TPRG1: variants seen among roughly 807,000 people sequenced by gnomAD.
The protein encoded by TPRG1 is tumor protein p63 regulated 1, also known as tumor protein p63-regulated gene 1 protein.
Under a neutral mutation model 29.3 loss-of-function variants are expected in TPRG1, and 29 were observed. The ratio of observed to expected loss-of-function variants is 0.99; its 90% CI spans 0.74 to 1.35. The LOEUF (loss-of-function observed/expected upper bound fraction) is 1.35, where lower values mean the gene tolerates loss of function less well. Ranked by LOEUF, TPRG1 falls within the 40% of genes most tolerant of loss-of-function variation. TPRG1 has a pLI of 0.00. For missense variants in TPRG1, 327 were observed against 335.0 expected (o/e 0.98, Z 0.19); for synonymous variants, 130 against 116.8 (o/e 1.11, Z -0.73).
chr3:189,259,180 G>T (rs1004393273), intron 4 of TPRG1, among the ~76,000 whole-genome samples: 47 of 152,124 alleles, frequency 3.1e-4, no homozygotes, highest in African/African-American at 1.1e-3. Context: ...CGTGGGGAAA[G>T]CGTAGTGTCT....
intron 4 of TPRG1, among the ~76,000 whole-genome samples, chr3:189,034,339 A>G (rs1714124472): frequency 1.3e-5 from 2 of 152,352 alleles, no homozygotes; most frequent in South Asian, 2.1e-4. Flanking sequence ...CTGCATTTAA[A>G]CAAAAGCTTA....
intron 4 of TPRG1, among the ~76,000 whole-genome samples, chr3:189,075,084 A>G (rs543218808): frequency 6.5e-4 from 98 of 151,716 alleles, no homozygotes; most frequent in African/African-American, 2.3e-3. Context: ...CCTACCCCTT[A>G]ATATCAGTTT....
chr3:189,059,159 G>A, intron 4 of TPRG1, among the ~76,000 whole-genome samples: 1 of 152,134 alleles, frequency 6.6e-6, no homozygotes, highest in East Asian at 1.9e-4. Flanking sequence ...TAATTCATAG[G>A]ATTGTTTTGA....
chr3:189,239,192 G>C (rs1195623698), intron 4 of TPRG1, among the ~76,000 whole-genome samples: 1 of 152,152 alleles, frequency 6.6e-6, no homozygotes, highest in Non-Finnish European at 1.5e-5. Context: ...CATGGCTGGG[G>C]AGGCCTCAGA....
chr3:189,110,164 T>C (rs1224708068), intron 1 of TPRG1, among the ~76,000 whole-genome samples: 3 of 152,200 alleles, frequency 2.0e-5, no homozygotes, highest in Non-Finnish European at 1.5e-5. Context: ...GTAGTATATG[T>C]TTAACTTGGT....
At chr3:189,130,456 G>T (rs907440322) in intron 2 of TPRG1, among the ~76,000 whole-genome samples, 1 of 152,184 alleles carries the variant, frequency 6.6e-6, no homozygotes, top group Admixed American at 6.5e-5. Flanking sequence ...GGACCTTACA[G>T]GTATAATCTC....
chr3:189,059,109 G>A (rs1441247963), intron 4 of TPRG1, among the ~76,000 whole-genome samples: 1 of 152,102 alleles, frequency 6.6e-6, no homozygotes, highest in African/African-American at 2.4e-5. Context: ...ACCCTAGCGA[G>A]CCTCAGTTTC....
intron 4 of TPRG1, among the ~76,000 whole-genome samples, chr3:189,282,458 T>A (rs1026106046): frequency 1.3e-5 from 2 of 152,096 alleles, no homozygotes; most frequent in Non-Finnish European, 2.9e-5. Flanking sequence ...ATTAAACGTG[T>A]ATTTTGTGCC....
At chr3:189,198,304 C>A (rs906422140) in intron 1 of TPRG1, among the ~76,000 whole-genome samples, 1 of 152,178 alleles carries the variant, frequency 6.6e-6, no homozygotes, top group Non-Finnish European at 1.5e-5. Context: ...TCCCCTCTTC[C>A]CACTCACCAT....
At chr3:189,257,425 T>C (rs1337632533) in intron 4 of TPRG1, among the ~76,000 whole-genome samples, 1 of 152,140 alleles carries the variant, frequency 6.6e-6, no homozygotes, top group Non-Finnish European at 1.5e-5. Context: ...TTTCTCTCTG[T>C]CTGCCCTTAA....
chr3:189,162,803 A>T (rs1199769897), intron 5 of TPRG1, among the ~76,000 whole-genome samples: 1 of 152,186 alleles, frequency 6.6e-6, no homozygotes, highest in African/African-American at 2.4e-5. Context: ...CTCTGTGCCC[A>T]ATTTTCCCAC....
At chr3:189,128,711 T>A (rs1314982729) in intron 2 of TPRG1, among the ~76,000 whole-genome samples, 3 of 152,206 alleles carry the variant, frequency 2.0e-5, no homozygotes, top group African/African-American at 7.2e-5. Context: ...TTAGGTAACT[T>A]ACCTAAGGAC....
intron 5 of TPRG1, among the ~76,000 whole-genome samples, chr3:189,165,850 T>C (rs1408128116): frequency 6.6e-6 from 1 of 152,184 alleles, no homozygotes; most frequent in African/African-American, 2.4e-5. Flanking sequence ...CAGGTGGCCA[T>C]TGAGTGTTGC....
chr3:189,197,580 A>G (rs537067327), intron 1 of TPRG1, among the ~76,000 whole-genome samples: 1 of 152,168 alleles, frequency 6.6e-6, no homozygotes. Context: ...TTTGGCTTAC[A>G]GAGTGGTTTT....
intron 4 of TPRG1, among the ~76,000 whole-genome samples, chr3:189,261,506 C>T (rs971251399): frequency 1.3e-5 from 2 of 152,114 alleles, no homozygotes; most frequent in South Asian, 4.2e-4. Flanking sequence ...ACTGTATGTT[C>T]TTTCTAAGCA....
At chr3:189,101,402 T>C (rs964339050) in intron 1 of TPRG1, among the ~76,000 whole-genome samples, 1 of 149,678 alleles carries the variant, frequency 6.7e-6, no homozygotes, top group Non-Finnish European at 1.5e-5. Flanking sequence ...TCAACATTTA[T>C]CTTAAAAAAA....
chr3:189,112,082 G>C (rs116461495), intron 1 of TPRG1, among the ~76,000 whole-genome samples: 3 of 152,000 alleles, frequency 2.0e-5, no homozygotes, highest in Non-Finnish European at 4.4e-5. Flanking sequence ...TTTGTATTCT[G>C]TTGATATGAT....
intron 3 of TPRG1, among the ~76,000 whole-genome samples, chr3:189,221,221 T>C (rs75011141): frequency 0.067 from 10,182 of 152,316 alleles, 473 homozygotes; most frequent in Middle Eastern, 0.12. Context: ...GTTTAAAAAG[T>C]CTCTTCTTCA....
Position 189,187,290 on chromosome 3 carries a change from A to G in TPRG1, c.-10+15159A>G, listed in dbSNP as rs1731064800. ...GGCATGAGCCACCCCGGCCAAGTTC[A>G]TCTAACTTTTTTTTGTTTGTTTTTT... On this transcript the variant is annotated intron_variant, in intron 1 of 5. Coordinates refer to ENST00000345063, the MANE Select transcript of TPRG1 (RefSeq NM_198485.4). Among the ~76,000 whole-genome samples, 3 of 150,190 alleles carry G rather than the reference A, an allele frequency of 2.0e-5. No homozygotes were observed. The South Asian group carries it at 6.3e-4, about 32-fold the overall frequency.
Sources: allele counts gnomAD v4.1 joint callset (sites outside exome capture counted in the v4.1 genomes callset), GRCh38; gene constraint gnomAD v4.1.1; transcripts MANE v1.5; gene names NCBI Gene and HGNC (gene_info 2026-07-23, HGNC 2026-07-21).